The following LRRK1 variants were observed in gnomAD, a reference collection of about 807,000 sequenced individuals.
LRRK1 encodes the protein leucine rich repeat kinase 1, also known as leucine-rich repeat serine/threonine-protein kinase 1.
A neutral mutation model predicts 209.1 loss-of-function variants in LRRK1; 113 were observed. The ratio of observed to expected loss-of-function variants is 0.54; its 90% confidence interval spans 0.46 to 0.63. The LOEUF is 0.63. LRRK1 is among the 30% of genes least tolerant of loss of function. The pLI is 0.00. For synonymous variants in LRRK1, 1,144 were observed against 1,099.7 expected (o/e 1.04, Z -0.80); for missense variants, 2,284 against 2,632.2 (o/e 0.87, Z 2.89).
intron 6 of LRRK1, among the ~76,000 whole-genome samples, chr15:101,008,040 G>A (rs1362606924): frequency 6.6e-6 from 1 of 150,624 alleles, no homozygotes; most frequent in Non-Finnish European, 1.5e-5. Flanking sequence ...CTACTGAGGA[G>A]GCTGAGGCAG....
At chr15:101,052,651 T>C (rs4965780) in intron 24 of LRRK1, among the ~76,000 whole-genome samples, 40,527 of 151,952 alleles carry the variant, frequency 0.27, 6,110 homozygotes, top group Middle Eastern at 0.37. Context: ...CCACCACTTC[T>C]GTGGGGTTCA....
chr15:101,037,227 G>C (rs1245478609), intron 20 of LRRK1, among the ~76,000 whole-genome samples: 1 of 152,234 alleles, frequency 6.6e-6, no homozygotes, highest in Non-Finnish European at 1.5e-5. Flanking sequence ...AGTGCATGCT[G>C]GTATTGGCAG....
Position 101,006,851 on chromosome 15 carries a change from T to C in LRRK1, c.763-1986T>C, listed in dbSNP as rs143924770. Among the ~76,000 whole-genome samples, 1,418 of 152,338 alleles carry C rather than the reference T, an allele frequency of 9.3e-3. 14 individuals carry two copies. Among genetic ancestry groups the C allele is most frequent in the Middle Eastern group, 0.031 (9 of 294 alleles). ...GTGTCCTAGTGCAACTTTTCTGAAA[T>C]TTAAAAAATTTTTCAAAATTAAAAT... is the stretch of plus-strand genomic sequence containing the variant. On this transcript the variant is annotated intron_variant, in intron 6 of 33. Transcript: ENST00000388948.
rs1339146262 is a variant in LRRK1, at chr15:101,074,207, TCCC to T, written c.*5361_*5363del. ...TAGACCCATCTGACCTCTCCCCTCCTCCCCAGGCTGCTCCTTGCCAGGCCGAGC... is the reference window on the plus strand; with the variant it reads ...TAGACCCATCTGACCTCTCCCCTCCTCAGGCTGCTCCTTGCCAGGCCGAGC... On this transcript the variant is annotated 3_prime_UTR_variant, in exon 34 of 34. Transcript: ENST00000388948. The T allele has an allele frequency of 5.3e-5, 8 of 152,168 alleles. No individual in the cohort carries two copies. The highest frequency in any genetic ancestry group is 3.9e-4 in the East Asian group (2 of 5,170). The allele number at this position is 152,168 out of a possible 1,614,324, so 9.4% of individuals were successfully genotyped here. A position where few individuals can be genotyped will look rare whatever the true frequency, so the allele number is the denominator to read the frequency against.
At position 101,022,499 on chromosome 15, in the gene LRRK1, A is replaced by G; in HGVS notation, c.1969A>G (p.Ile657Val). 6.2e-7 allele frequency: 1 copy of G among 1,614,168 alleles called. No homozygotes were observed. The highest frequency in any genetic ancestry group is 8.5e-7 in the Non-Finnish European group (1 of 1,180,012). The change falls in exon 15 of 34, where the codon ATC becomes GTC. Residue 657 changes from isoleucine (I) to valine (V), a missense_variant. Physicochemically the swap from Ile to Val is conservative, Grantham distance 29 (BLOSUM62 3). Around this residue, in one of 6 missense-constraint regions of LRRK1, gnomAD observed 494 missense variants for 522.1 expected, o/e 0.95. Transcript: ENST00000388948. The surrounding 1 kb of genome is among the most constrained non-coding windows in gnomAD (Gnocchi z 4.0). The part of the protein sequence containing the change: ...PRQGKSTLLE[I>V]LQTGRAPQVV... ...CCAGGGCAAGTCCACCCTCCTGGAGATCTTACAGACGGGGAGGGCCCCCCA... is the reference window on the plus strand; with the variant it reads ...CCAGGGCAAGTCCACCCTCCTGGAGGTCTTACAGACGGGGAGGGCCCCCCA...
At chr15:100,935,494 A>G (rs1261429973) in intron 2 of LRRK1, among the ~76,000 whole-genome samples, 1 of 152,120 alleles carries the variant, frequency 6.6e-6, no homozygotes, top group Non-Finnish European at 1.5e-5. Flanking sequence ...GGAGAGGTAA[A>G]GCCTTCACAG....
At position 101,074,689 on chromosome 15, in the gene LRRK1, C is replaced by T. The variant is rs1441604466; in HGVS notation, c.*5841C>T. 1 of 152,090 alleles carries T rather than the reference C, an allele frequency of 6.6e-6. No homozygotes were observed. Among genetic ancestry groups the T allele is most frequent in the Non-Finnish European group, 1.5e-5 (1 of 67,996 alleles). 9.4% of individuals were successfully genotyped at this position (152,090 alleles called of 1,614,324 possible). A position where few individuals can be genotyped will look rare whatever the true frequency, so the allele number is the denominator to read the frequency against. ...GGTGTACAATAATAGAAAAAAGTTGCAATTCCTTGCCTCCACTGTGAGACA... is the reference window on the plus strand; with the variant it reads ...GGTGTACAATAATAGAAAAAAGTTGTAATTCCTTGCCTCCACTGTGAGACA... On this transcript the variant is annotated 3_prime_UTR_variant, in exon 34 of 34. Transcript: ENST00000388948.
In LRRK1 at chr15:100,924,849, T is replaced by G. The variant is rs916830183; in HGVS notation, c.97+120T>G. On this transcript the variant is annotated intron_variant, in intron 2 of 33. Coordinates refer to ENST00000388948, the MANE Select transcript of LRRK1 (RefSeq NM_024652.6). ...CCAGTGGAAATCAAATGTCCATCAT[T>G]TGGTGCTCTTTCATCATATAATATA... 6 of 656,070 alleles carry G rather than the reference T, an allele frequency of 9.1e-6. No individual in the cohort carries two copies. In the African/African-American group the frequency reaches 1.1e-4, roughly 12 times the overall value. The allele number at this position is 656,070 out of a possible 1,614,324, so 40.6% of individuals were successfully genotyped here. A position where few individuals can be genotyped will look rare whatever the true frequency, so the allele number is the denominator to read the frequency against.
intron 20 of LRRK1, among the ~76,000 whole-genome samples, chr15:101,036,366 G>T (rs1361182192): frequency 6.6e-6 from 1 of 151,680 alleles, no homozygotes; most frequent in African/African-American, 2.4e-5. Context: ...TTATGATTCT[G>T]CTTGATCTAG....
chr15:100,973,322 G>A (rs7165431), intron 2 of LRRK1, among the ~76,000 whole-genome samples: 1 of 152,050 alleles, frequency 6.6e-6, no homozygotes, highest in African/African-American at 2.4e-5. Flanking sequence ...GAGTGAGGGC[G>A]GCTGATTTAA....
chr15:101,070,007 G>A lies in LRRK1; in HGVS notation c.*1159G>A, dbSNP rs758057907. ...AGAGATCATACTCCAGCTGAAGTTTGTTGACCCTTTTCTAAAATTAAAAAG... is the reference window on the plus strand; with the variant it reads ...AGAGATCATACTCCAGCTGAAGTTTATTGACCCTTTTCTAAAATTAAAAAG... On this transcript the variant is annotated 3_prime_UTR_variant, in exon 34 of 34. Transcript: ENST00000388948. 6.6e-6 allele frequency: 1 copy of A among 152,250 alleles called. No individual in the cohort carries two copies. The highest frequency in any genetic ancestry group is 1.5e-5 in the Non-Finnish European group (1 of 68,050). The allele number at this position is 152,250 out of a possible 1,614,324, so 9.4% of individuals were successfully genotyped here.
chr15:100,998,871 G>C (rs1314837981), intron 6 of LRRK1, among the ~76,000 whole-genome samples: 1 of 151,732 alleles, frequency 6.6e-6, no homozygotes, highest in Admixed American at 6.6e-5. Context: ...TGATTGCATG[G>C]TTGCATGGAT....
intron 2 of LRRK1, among the ~76,000 whole-genome samples, chr15:100,962,823 AT>A (rs1161979293): frequency 0.013 from 146 of 11,538 alleles, 5 homozygotes; most frequent in African/African-American, 0.028. Context: ...ATATATATAT[AT>A]TTTTTTTTTT....
At position 101,056,994 on chromosome 15, in the gene LRRK1, C is replaced by A. The variant is rs1201085096; in HGVS notation, c.4471C>A (p.Gln1491Lys). The A allele has an allele frequency of 1.2e-6, 2 of 1,613,956 alleles. No individual in the cohort carries two copies. The highest frequency in any genetic ancestry group is 2.2e-5 in the East Asian group (1 of 44,870). ...GGTTCTGGGGCAGCCGGAGGAAGTG[C>A]AGTTCCGGCGACTGCAGGCGCTCAT... is the stretch of plus-strand genomic sequence containing the variant. ...RPVLGQPEEV[Q>K]FRRLQALMME... Residue 1491 changes from glutamine to lysine, a missense_variant, in exon 28 of 34, where the codon CAG (glutamine) becomes AAG (lysine). By Grantham distance (53) the Gln-to-Lys change is moderately conservative (BLOSUM62 1). This residue lies in a region of LRRK1 where 643 missense variants were observed against 695.9 expected (regional missense o/e 0.92). Transcript: ENST00000388948.
chr15:101,062,869 C>T (rs1771744711), intron 31 of LRRK1, among the ~76,000 whole-genome samples, 179 bp downstream of exon 31: 2 of 152,214 alleles, frequency 1.3e-5, no homozygotes, highest in Admixed American at 1.3e-4. Context: ...TTAGTGCCTT[C>T]CGGTTTGCAA....
At position 101,027,546 on chromosome 15, in the gene LRRK1, C is replaced by A; in HGVS notation, c.2527-92C>A. ...AGATAGTGGGTGGAAACGTCCCACC[C>A]CCTCAGGCCACAGGGGCCGGGCAGG... On this transcript the variant is annotated intron_variant, in intron 18 of 33. Coordinates refer to ENST00000388948, the MANE Select transcript of LRRK1 (RefSeq NM_024652.6). The surrounding 1 kb of genome is among the most constrained non-coding windows in gnomAD (Gnocchi z 5.1). 3.9e-6 allele frequency: 6 copies of A among 1,522,744 alleles called. No homozygotes were observed. In the South Asian group the frequency reaches 6.2e-5, roughly 16 times the overall value. 94.3% of individuals were successfully genotyped at this position (1,522,744 alleles called of 1,614,324 possible). A position where few individuals can be genotyped will look rare whatever the true frequency, so the allele number is the denominator to read the frequency against.
chr15:100,940,328 GACTCAT>G (rs1271010395), intron 2 of LRRK1, among the ~76,000 whole-genome samples: 4 of 151,892 alleles, frequency 2.6e-5, no homozygotes, highest in Non-Finnish European at 5.9e-5. Context: ...CACTTCTGAG[GACTCAT>G]ATTTTTGCAA....
At chr15:101,021,662 G>C (rs959193545) in intron 13 of LRRK1, 183 bp from the exon 14 acceptor site, 1 of 569,516 alleles carries the variant, frequency 1.8e-6, no homozygotes, top group Non-Finnish European at 3.1e-6. Context: ...CAGAGCTGCC[G>C]TTTCTATCAC....
At chr15:100,984,678 C>T (rs1457386503) in intron 4 of LRRK1, among the ~76,000 whole-genome samples, 1 of 152,146 alleles carries the variant, frequency 6.6e-6, no homozygotes, top group Non-Finnish European at 1.5e-5. Context: ...CTTTTAATGG[C>T]TGAATAATAT....
Sources: allele counts gnomAD v4.1 joint callset (sites outside exome capture counted in the v4.1 genomes callset), GRCh38; gene constraint gnomAD v4.1.1; regional missense constraint gnomAD v4.1.1; non-coding constraint Gnocchi (gnomAD v3.1); transcripts MANE v1.5; gene names NCBI Gene and HGNC (gene_info 2026-07-23, HGNC 2026-07-21).